ADAM29: variants seen among roughly 807,000 people sequenced by gnomAD.
ADAM29 encodes ADAM metallopeptidase domain 29, also known as disintegrin and metalloproteinase domain-containing protein 29.
For synonymous variants in ADAM29, 367 were observed against 342.3 expected (o/e 1.07, Z -0.80); for missense variants, 969 against 1,001.8 (o/e 0.97, Z 0.44).
At chr4:174,930,668 T>G (rs752507044) in intron 2 of ADAM29, among the ~76,000 whole-genome samples, 5 of 152,324 alleles carry the variant, frequency 3.3e-5, no homozygotes, top group African/African-American at 4.8e-5. Flanking sequence ...GCCAACTCTT[T>G]TTTTTAAATG....
intron 4 of ADAM29, among the ~76,000 whole-genome samples, chr4:174,965,693 G>T (rs1746118381): frequency 6.6e-6 from 1 of 151,994 alleles, no homozygotes; most frequent in South Asian, 2.1e-4. Flanking sequence ...AAAATGGTTT[G>T]CCTACCACTG....
chr4:174,925,229 A>T (rs1743437090), intron 2 of ADAM29, among the ~76,000 whole-genome samples: 1 of 152,220 alleles, frequency 6.6e-6, no homozygotes, highest in African/African-American at 2.4e-5. Flanking sequence ...AATTAAGGAA[A>T]TCTGACAAAA....
At chr4:174,931,683 A>G (rs946083596) in intron 3 of ADAM29, among the ~76,000 whole-genome samples, 5 of 152,162 alleles carry the variant, frequency 3.3e-5, no homozygotes, top group Non-Finnish European at 4.4e-5. Flanking sequence ...CATATATTCA[A>G]TCTTACACTG....
chr4:174,941,127 T>C (rs887713313), intron 4 of ADAM29, among the ~76,000 whole-genome samples: 2 of 152,328 alleles, frequency 1.3e-5, no homozygotes, highest in Non-Finnish European at 1.5e-5. Flanking sequence ...GGATTATAGA[T>C]GGTATAAAAA....
chr4:174,951,748 C>T (rs957428995), intron 4 of ADAM29, among the ~76,000 whole-genome samples: 4 of 152,248 alleles, frequency 2.6e-5, no homozygotes, highest in East Asian at 3.9e-4. Context: ...CCTGCGCTCT[C>T]AACCATCAGC....
intron 4 of ADAM29, among the ~76,000 whole-genome samples, chr4:174,965,214 G>T (rs1746077393): frequency 6.6e-6 from 1 of 150,828 alleles, no homozygotes; most frequent in African/African-American, 2.5e-5. Flanking sequence ...GCAGAAGGGT[G>T]CAAAAAGATC....
intron 4 of ADAM29, among the ~76,000 whole-genome samples, chr4:174,971,235 G>A (rs765251338): frequency 7.2e-5 from 11 of 152,020 alleles, no homozygotes; most frequent in Non-Finnish European, 4.4e-5. Flanking sequence ...AAAAATAATA[G>A]TCATTTATAC....
chr4:174,952,121 A>G (rs750948667), intron 4 of ADAM29, among the ~76,000 whole-genome samples: 2 of 152,186 alleles, frequency 1.3e-5, no homozygotes, highest in African/African-American at 2.4e-5. Flanking sequence ...ATCATATTGT[A>G]TAACAAAAAT....
chr4:174,964,088 T>C, intron 4 of ADAM29, among the ~76,000 whole-genome samples: 1 of 152,012 alleles, frequency 6.6e-6, no homozygotes. Context: ...GATAATAAAA[T>C]TTTTTTTCTA....
chr4:174,918,962 T>C (rs1195275894), intron 1 of ADAM29: 1 of 152,180 alleles, frequency 6.6e-6, no homozygotes, highest in Non-Finnish European at 1.5e-5. Context: ...ATGTTTGCTT[T>C]CTTCTGAGAA....
At chr4:174,936,685 A>G (rs1393955522) in intron 3 of ADAM29, among the ~76,000 whole-genome samples, 1 of 151,988 alleles carries the variant, frequency 6.6e-6, no homozygotes, top group African/African-American at 2.4e-5. Context: ...GTTATTCCAC[A>G]TTACAACTAA....
intron 4 of ADAM29, among the ~76,000 whole-genome samples, chr4:174,958,294 T>C (rs1322281165): frequency 6.6e-6 from 1 of 151,790 alleles, no homozygotes; most frequent in African/African-American, 2.4e-5. Context: ...CTTTCTCTTT[T>C]CAGTTCTATC....
At chr4:174,943,711 A>T (rs73871830) in intron 4 of ADAM29, among the ~76,000 whole-genome samples, 225 of 151,998 alleles carry the variant, frequency 1.5e-3, no homozygotes, top group African/African-American at 5.2e-3. Context: ...CATATTAAGG[A>T]CCTTCTTTCG....
At chr4:174,942,071 A>G (rs1383458952) in intron 4 of ADAM29, among the ~76,000 whole-genome samples, 5 of 152,216 alleles carry the variant, frequency 3.3e-5, no homozygotes, top group Non-Finnish European at 7.3e-5. Context: ...CATGTCTCAC[A>G]TCAAGGGCAT....
At chr4:174,922,643 G>T (rs561476191) in intron 2 of ADAM29, among the ~76,000 whole-genome samples, 2 of 151,960 alleles carry the variant, frequency 1.3e-5, no homozygotes, top group Non-Finnish European at 2.9e-5. Flanking sequence ...AGACCCTCAC[G>T]GCTGTGACAG....
Position 174,957,734 on chromosome 4 carries a change from AT to A in ADAM29, c.-180-17607del, listed in dbSNP as rs756920654. Among the ~76,000 whole-genome samples, 5 of 151,884 alleles carry A rather than the reference AT, an allele frequency of 3.3e-5. No individual in the cohort carries two copies. In the South Asian group the frequency reaches 8.3e-4, roughly 25 times the overall value. On this transcript the variant is annotated intron_variant, in intron 4 of 4. Coordinates refer to ENST00000359240, the MANE Select transcript of ADAM29 (RefSeq NM_014269.4). The stretch of plus-strand genomic sequence containing the variant: ...ACACTCCTTATGAGTTATTTTTGGA[AT>A]TTTTCAGTCTGTGTATTATAATTAA...
chr4:174,938,981 T>G (rs1744361272), intron 4 of ADAM29, among the ~76,000 whole-genome samples: 1 of 152,114 alleles, frequency 6.6e-6, no homozygotes, highest in East Asian at 1.9e-4. Context: ...CCACGTGGCC[T>G]TCTCTATTAT....
intron 1 of ADAM29, among the ~76,000 whole-genome samples, chr4:174,920,203 A>G (rs1743090544): frequency 6.6e-6 from 1 of 152,142 alleles, no homozygotes; most frequent in African/African-American, 2.4e-5. Context: ...TCAAAATCCT[A>G]CTTTCCTAAG....
chr4:174,926,797 A>G (rs1743547543), intron 2 of ADAM29, among the ~76,000 whole-genome samples: 1 of 151,582 alleles, frequency 6.6e-6, no homozygotes, highest in Non-Finnish European at 1.5e-5. Flanking sequence ...ATTATATAAA[A>G]ATCCTCATTT....
Sources: allele counts gnomAD v4.1 joint callset (sites outside exome capture counted in the v4.1 genomes callset), GRCh38; gene constraint gnomAD v4.1.1; transcripts MANE v1.5; gene names NCBI Gene and HGNC (gene_info 2026-07-23, HGNC 2026-07-21).